Variants in ABLIM2 observed in about 807,000 individuals in gnomAD.
ABLIM2 encodes the protein actin-binding LIM protein 2.
A neutral mutation model predicts 97.7 loss-of-function variants in ABLIM2; 53 were observed. The ratio of observed to expected loss-of-function variants is 0.54; its 90% CI spans 0.44 to 0.68. The LOEUF (loss-of-function observed/expected upper bound fraction) is 0.68, where lower values mean the gene tolerates loss of function less well. Among genes scored for constraint, ABLIM2 ranks in the 30% least tolerant of loss-of-function variants. The probability of loss-of-function intolerance (pLI) is 0.00; values close to 1 mark genes in which losing one functional copy is unlikely to be tolerated. For missense variants in ABLIM2, 835 were observed against 867.2 expected (o/e 0.96, Z 0.47); for synonymous variants, 361 against 345.8 (o/e 1.04, Z -0.49).
intron 17 of ABLIM2, chr4:7,989,362 A>C: frequency 1.0e-6 from 1 of 977,422 alleles, no homozygotes; most frequent in South Asian, 4.7e-5. Context: ...TATAGGCCTG[A>C]ACCACTTTGC....
At chr4:8,066,487 A>G (rs138645254) in intron 6 of ABLIM2, 1 of 152,240 alleles carries the variant, frequency 6.6e-6, no homozygotes, top group African/African-American at 2.4e-5. Context: ...ATTCTATATA[A>G]CAGCGAAAGG....
chr4:8,134,678 C>A (rs1313530242), intron 1 of ABLIM2, among the ~76,000 whole-genome samples: 2 of 151,596 alleles, frequency 1.3e-5, no homozygotes, highest in African/African-American at 4.9e-5. Context: ...CCAGGAAGGC[C>A]CCCTTTTCCC....
At chr4:8,028,960 C>G (rs1779139259) in intron 11 of ABLIM2, among the ~76,000 whole-genome samples, 1 of 152,230 alleles carries the variant, frequency 6.6e-6, no homozygotes, top group Admixed American at 6.5e-5. Flanking sequence ...AAGGAAGCAG[C>G]TTGGAAAAAT....
chr4:8,021,595 G>T lies in ABLIM2; in HGVS notation c.1268-1292C>A, dbSNP rs62290634. Among the ~76,000 whole-genome samples, 1 of 152,230 alleles carries T rather than the reference G, an allele frequency of 6.6e-6. No individual in the cohort carries two copies. The highest frequency in any genetic ancestry group is 1.5e-5 in the Non-Finnish European group (1 of 68,050). On this transcript the variant is annotated intron_variant, in intron 12 of 20. Coordinates refer to ENST00000447017, the MANE Select transcript of ABLIM2 (RefSeq NM_001130083.2). The surrounding 1 kb of genome is among the most constrained non-coding windows in gnomAD (Gnocchi z 5.5). ...CAGAAATAGAACTTCTGCGGTGGGT[G>T]AGTGATGTGCTGGGCCTGAAGGTGG...
intron 1 of ABLIM2, among the ~76,000 whole-genome samples, chr4:8,138,699 A>G (rs529318108): frequency 7.9e-4 from 119 of 151,422 alleles, no homozygotes; most frequent in African/African-American, 2.7e-3. Flanking sequence ...TATACCTTAT[A>G]CAAAAATTAA....
chr4:7,992,493 C>T lies in ABLIM2; in HGVS notation c.1680+373G>A, dbSNP rs1749684246. ...TGGGCACTTGGCTCACACTGGCTCACCAAATGCAACAGCCCTTGGTTATCA... is the reference window on the plus strand; with the variant it reads ...TGGGCACTTGGCTCACACTGGCTCATCAAATGCAACAGCCCTTGGTTATCA... On this transcript the variant is annotated intron_variant, in intron 17 of 20. Coordinates refer to ENST00000447017, the MANE Select transcript of ABLIM2 (RefSeq NM_001130083.2). The surrounding 1 kb of genome is among the most constrained non-coding windows in gnomAD (Gnocchi z 5.7). 6.6e-6 allele frequency among the ~76,000 whole-genome samples: 1 copy of T among 152,076 alleles called. No individual in the cohort carries two copies. Among genetic ancestry groups the T allele is most frequent in the South Asian group, 2.1e-4 (1 of 4,794 alleles).
intron 5 of ABLIM2, among the ~76,000 whole-genome samples, chr4:8,079,782 G>A (rs777137842): frequency 1.3e-5 from 2 of 152,038 alleles, no homozygotes; most frequent in South Asian, 2.1e-4. Flanking sequence ...GTGTGCGCGC[G>A]CCTCACTCCA....
At chr4:8,070,632 A>C (rs1048409545) in intron 6 of ABLIM2, among the ~76,000 whole-genome samples, 1 of 152,116 alleles carries the variant, frequency 6.6e-6, no homozygotes, top group Non-Finnish European at 1.5e-5. Flanking sequence ...CAGGGCAGAG[A>C]GAGCCTCGGC....
chr4:8,063,749 G>A (rs1805045081), intron 6 of ABLIM2, among the ~76,000 whole-genome samples: 1 of 152,222 alleles, frequency 6.6e-6, no homozygotes. Context: ...GTTTGTCCCT[G>A]TTAGATACAG....
chr4:8,013,261 T>C (rs1483838825), intron 14 of ABLIM2, among the ~76,000 whole-genome samples: 1 of 149,988 alleles, frequency 6.7e-6, no homozygotes, highest in Non-Finnish European at 1.5e-5. Context: ...CTCACTCTGT[T>C]GCCCAGGCTG....
rs1279765969 is a variant in ABLIM2, at chr4:8,007,849, G to A, written c.1618+210C>T. Reference sequence around the variant, plus strand: ...GGACATGCAGGCGTGGCCCTCGTTAGCACACTGGCTCGGGGACAGTTCTTG... The same window carrying A: ...GGACATGCAGGCGTGGCCCTCGTTAACACACTGGCTCGGGGACAGTTCTTG... On this transcript the variant is annotated intron_variant, in intron 16 of 20. Coordinates refer to ENST00000447017, the MANE Select transcript of ABLIM2 (RefSeq NM_001130083.2). The A allele has an allele frequency of 8.7e-6, 12 of 1,374,800 alleles. No homozygotes were observed. In the East Asian group the frequency reaches 3.2e-4, roughly 37 times the overall value. 85.2% of individuals were successfully genotyped at this position (1,374,800 alleles called of 1,614,324 possible). A position where few individuals can be genotyped will look rare whatever the true frequency, so the allele number is the denominator to read the frequency against.
At position 8,068,704 on chromosome 4, in the gene ABLIM2, GGCTCCCGCTCA is replaced by G. The variant is rs1199674106; in HGVS notation, c.676-7661_676-7651del. 6.6e-6 allele frequency among the ~76,000 whole-genome samples: 1 copy of G among 152,194 alleles called. No homozygotes were observed. Among genetic ancestry groups the G allele is most frequent in the Non-Finnish European group, 1.5e-5 (1 of 68,040 alleles). ...TTCCCCTTGCTTCTTCCCCGCTGCG[GGCTCCCGCTCA>G]GCCGAGGGCCAGGGCTGGGCCTGCG... On this transcript the variant is annotated intron_variant, in intron 6 of 20. Transcript: ENST00000447017. The surrounding 1 kb of genome is among the most constrained non-coding windows in gnomAD (Gnocchi z 4.5).
chr4:8,131,703 G>T (rs1849418848), intron 1 of ABLIM2, among the ~76,000 whole-genome samples: 2 of 92,344 alleles, frequency 2.2e-5, no homozygotes, highest in Admixed American at 1.1e-4. Flanking sequence ...CCCCAGCACA[G>T]CAGCCCGCAT....
chr4:8,034,110 G>A (rs1011453650), intron 10 of ABLIM2, among the ~76,000 whole-genome samples: 1 of 152,210 alleles, frequency 6.6e-6, no homozygotes, highest in Admixed American at 6.5e-5. Context: ...TCTTTGCGGG[G>A]AAGAAGGGAC....
intron 12 of ABLIM2, among the ~76,000 whole-genome samples, chr4:8,026,426 C>T (rs938702507): frequency 2.0e-5 from 3 of 152,242 alleles, no homozygotes; most frequent in Non-Finnish European, 2.9e-5. Flanking sequence ...GGGGCCCGCC[C>T]AAAGCAATGA....
In ABLIM2 at chr4:8,130,596, C is replaced by T. The variant is rs1008601395; in HGVS notation, c.11-23959G>A. ...GGACTTGAAGGGAGGCAGCCTGGCCCGAGTCCAGGGTGTGCTTGACGGCAC... is the reference window on the plus strand; with the variant it reads ...GGACTTGAAGGGAGGCAGCCTGGCCTGAGTCCAGGGTGTGCTTGACGGCAC... On this transcript the variant is annotated intron_variant, in intron 1 of 20. Coordinates refer to ENST00000447017, the MANE Select transcript of ABLIM2 (RefSeq NM_001130083.2). The surrounding 1 kb of genome is among the most constrained non-coding windows in gnomAD (Gnocchi z 4.2). Among the ~76,000 whole-genome samples, 5 of 151,954 alleles carry T rather than the reference C, an allele frequency of 3.3e-5. No homozygotes were observed. Among genetic ancestry groups the T allele is most frequent in the Non-Finnish European group, 7.4e-5 (5 of 67,986 alleles).
At chr4:8,016,472 T>C (rs1365653139) in intron 14 of ABLIM2, among the ~76,000 whole-genome samples, 1 of 152,206 alleles carries the variant, frequency 6.6e-6, no homozygotes, top group African/African-American at 2.4e-5. Flanking sequence ...CCACGGGTTA[T>C]ATGGCCTTGA....
In ABLIM2 at chr4:8,083,752, G is replaced by A. The variant is rs1225636734; in HGVS notation, c.455-2950C>T. ...TGTCAGCGGCAGGATGTCCCTAGCA[G>A]GGCAGAAGGGGCCCCAGGACCCCCC... On this transcript the variant is annotated intron_variant, in intron 4 of 20. Coordinates refer to ENST00000447017, the MANE Select transcript of ABLIM2 (RefSeq NM_001130083.2). The surrounding 1 kb of genome is among the most constrained non-coding windows in gnomAD (Gnocchi z 4.6). Among the ~76,000 whole-genome samples the A allele has an allele frequency of 6.6e-6, 1 of 152,212 alleles. No individual in the cohort carries two copies. Among genetic ancestry groups the A allele is most frequent in the Admixed American group, 6.5e-5 (1 of 15,284 alleles).
At chr4:7,984,985 C>G in intron 17 of ABLIM2, 92 bp from the exon 18 acceptor site, 1 of 1,371,958 alleles carries the variant, frequency 7.3e-7, no homozygotes. Flanking sequence ...CCTTGGAGGC[C>G]GAGGTCCTCG....
Sources: allele counts gnomAD v4.1 joint callset (sites outside exome capture counted in the v4.1 genomes callset), GRCh38; gene constraint gnomAD v4.1.1; non-coding constraint Gnocchi (gnomAD v3.1); transcripts MANE v1.5; gene names NCBI Gene and HGNC (gene_info 2026-07-23, HGNC 2026-07-21).